Variants in ADIPOR1 observed in about 807,000 individuals in gnomAD.
ADIPOR1 encodes adiponectin receptor 1.
Under a neutral mutation model 37.5 loss-of-function variants are expected in ADIPOR1, and 15 were observed. The ratio of observed to expected loss-of-function variants is 0.40; its 90% CI spans 0.27 to 0.62. The LOEUF (loss-of-function observed/expected upper bound fraction) is 0.62. Among genes scored for constraint, ADIPOR1 ranks in the 20% least tolerant of loss-of-function variants. ADIPOR1 has a pLI of 0.42. For synonymous variants in ADIPOR1, 173 were observed against 173.2 expected (o/e 1.00, Z 0.01); for missense variants, 286 against 478.0 (o/e 0.60, Z 3.75).
intron 2 of ADIPOR1, among the ~76,000 whole-genome samples, chr1:202,949,162 C>T (rs1654454681): frequency 6.6e-6 from 1 of 152,062 alleles, no homozygotes; most frequent in South Asian, 2.1e-4. Flanking sequence ...TCAGAGTTCC[C>T]TGTTCACTGA....
Position 202,946,584 on chromosome 1 carries a change from G to T in ADIPOR1, c.285C>A (p.Ile95=). The T allele has an allele frequency of 6.2e-7, 1 of 1,614,026 alleles. No homozygotes were observed. The highest frequency in any genetic ancestry group is 8.5e-7 in the Non-Finnish European group (1 of 1,180,020). The part of the protein sequence containing the change: ...YKVWEGRWRV[I]PYDVLPDWLK... The stretch of plus-strand genomic sequence containing the variant: ...GCCAGTCAGGGAGCACATCATATGG[G>T]ATGACCCTCCAACGTCCCTCCCAGA... The change falls in exon 4 of 8, where the codon ATC becomes ATA. Residue 95 remains isoleucine, a synonymous_variant. Transcript: ENST00000340990.
At chr1:202,958,529 G>C (rs919412305), upstream of ADIPOR1, 1 of 152,516 alleles carries the variant, frequency 6.6e-6, no homozygotes, top group Non-Finnish European at 1.5e-5. Context: ...GACGTTCGTC[G>C]GATTCTACAC....
At chr1:202,952,215 T>A (rs1385278756) in intron 1 of ADIPOR1, among the ~76,000 whole-genome samples, 1 of 152,186 alleles carries the variant, frequency 6.6e-6, no homozygotes, top group Non-Finnish European at 1.5e-5. Flanking sequence ...GTTATAGCAA[T>A]AGCAGTAGCC....
Position 202,942,025 on chromosome 1 carries a change from C to G in ADIPOR1, c.999G>C (p.Trp333Cys), listed in dbSNP as rs1654109863. 6.2e-7 allele frequency: 1 copy of G among 1,610,036 alleles called. No homozygotes were observed. The highest frequency in any genetic ancestry group is 1.3e-5 in the African/African-American group (1 of 74,760). The change falls in exon 7 of 8, where the codon TGG becomes TGC. Residue 333 changes from tryptophan (W) to cysteine (C), a missense_variant and splice_region_variant. Coordinates refer to ENST00000340990, the MANE Select transcript of ADIPOR1 (RefSeq NM_015999.6). ...ERFFPGKFDI[W>C]FQSHQIFHVL... Reference sequence around the variant, plus strand: ...ACCTGCTGGAAGATTCATTTCTTACCCATATGTCAAATTTTCCAGGAAAGA... The same window carrying G: ...ACCTGCTGGAAGATTCATTTCTTACGCATATGTCAAATTTTCCAGGAAAGA...
At position 202,949,329 on chromosome 1, in the gene ADIPOR1, C is replaced by A. The variant is rs1056559268; in HGVS notation, c.142-909G>T. Among the ~76,000 whole-genome samples the A allele has an allele frequency of 7.3e-5, 11 of 151,514 alleles. 1 individual carries two copies. Among genetic ancestry groups the A allele is most frequent in the Admixed American group, 6.6e-4 (10 of 15,240 alleles). On this transcript the variant is annotated intron_variant, in intron 2 of 7. Transcript: ENST00000340990. ...GGCGCGGTGGCTCACGCCTGTAATC[C>A]CAGCACTTTGGGAGGCCGAGGCGGG... is the stretch of plus-strand genomic sequence containing the variant.
chr1:202,949,010 C>G (rs1654448156), intron 2 of ADIPOR1, among the ~76,000 whole-genome samples: 1 of 151,722 alleles, frequency 6.6e-6, no homozygotes, highest in African/African-American at 2.4e-5. Context: ...AGGCTGTTCT[C>G]AATCTCCTGA....
At position 202,951,164 on chromosome 1, in the gene ADIPOR1, A is replaced by C; in HGVS notation, c.-94T>G. On this transcript the variant is annotated splice_region_variant and 5_prime_UTR_variant, in exon 2 of 8. Transcript: ENST00000340990. The stretch of plus-strand genomic sequence containing the variant: ...CAGAGATCTCCCTCTGATGGTAGAC[A>C]CTAAAAGAAAATACAAACATGAAGG... 1.4e-6 allele frequency: 2 copies of C among 1,441,774 alleles called. No homozygotes were observed. Among genetic ancestry groups the C allele is most frequent in the Non-Finnish European group, 1.9e-6 (2 of 1,046,748 alleles). The allele number at this position is 1,441,774 out of a possible 1,614,324, so 89.3% of individuals were successfully genotyped here. A position where few individuals can be genotyped will look rare whatever the true frequency, so the allele number is the denominator to read the frequency against.
At chr1:202,949,669 T>C (rs1654489187) in intron 2 of ADIPOR1, among the ~76,000 whole-genome samples, 1 of 151,672 alleles carries the variant, frequency 6.6e-6, no homozygotes, top group African/African-American at 2.4e-5. Context: ...CTCCGAATCA[T>C]GGCTATAGAA....
rs1367210016 is a variant in ADIPOR1 at position 202,942,415 on chromosome 1, G to GT, written c.806-198dup. ...TATGTCCTGAATGGGAAGAAGCTGT[G>GT]TAAGTGCTTACTACCTTTTAAGCAC... On this transcript the variant is annotated intron_variant, in intron 6 of 7. Coordinates refer to ENST00000340990, the MANE Select transcript of ADIPOR1 (RefSeq NM_015999.6). 2.0e-5 allele frequency among the ~76,000 whole-genome samples: 3 copies of GT among 152,212 alleles called. No homozygotes were observed. In the East Asian group the frequency reaches 5.8e-4, roughly 29 times the overall value.
At chr1:202,943,995 T>A (rs1300562333) in intron 5 of ADIPOR1, 50 bp from the exon 6 acceptor site, 21 of 1,512,582 alleles carry the variant, frequency 1.4e-5, no homozygotes, top group Non-Finnish European at 1.8e-5. Flanking sequence ...AATGAATTTG[T>A]ATGGCTCATT....
At chr1:202,943,622 G>A in intron 6 of ADIPOR1, 136 bp downstream of exon 6, 1 of 967,414 alleles carries the variant, frequency 1.0e-6, no homozygotes, top group Non-Finnish European at 1.5e-6. Flanking sequence ...AATTGATGCT[G>A]TTTTGAAAGT....
Position 202,951,080 on chromosome 1 carries a change from A to G in ADIPOR1, c.-10T>C. 1 of 1,613,978 alleles carries G rather than the reference A, an allele frequency of 6.2e-7. No individual in the cohort carries two copies. Among genetic ancestry groups the G allele is most frequent in the Non-Finnish European group, 8.5e-7 (1 of 1,179,922 alleles). On this transcript the variant is annotated 5_prime_UTR_variant, in exon 2 of 8. Transcript: ENST00000340990. ...CTTTGTGGGAAGACATCTGGCTGGT[A>G]CCTCAATACCCTGCAGCTTCAGCTT...
chr1:202,957,953 G>A (rs1207264300), intron 1 of ADIPOR1, among the ~76,000 whole-genome samples: 1 of 152,202 alleles, frequency 6.6e-6, no homozygotes, highest in African/African-American at 2.4e-5. Flanking sequence ...AGCGCCCACC[G>A]CACCTAGGCC....
chr1:202,949,926 G>T (rs1288444370), intron 2 of ADIPOR1, among the ~76,000 whole-genome samples: 1 of 152,072 alleles, frequency 6.6e-6, no homozygotes, highest in African/African-American at 2.4e-5. Flanking sequence ...GTAAGTTCTG[G>T]CCGAAGTCTT....
intron 6 of ADIPOR1, among the ~76,000 whole-genome samples, chr1:202,943,165 G>A (rs1354559198): frequency 6.6e-6 from 1 of 152,228 alleles, no homozygotes; most frequent in African/African-American, 2.4e-5. Flanking sequence ...ACTGCTCCCG[G>A]ACAATATTTA....
intron 2 of ADIPOR1, among the ~76,000 whole-genome samples, chr1:202,948,776 C>A (rs1017539818): frequency 1.4e-5 from 2 of 145,624 alleles, no homozygotes; most frequent in East Asian, 4.0e-4. Flanking sequence ...CTTTTCTAAG[C>A]CATTACATTT....
chr1:202,942,163 G>C lies in ADIPOR1; in HGVS notation c.861C>G (p.Ile287Met). 2 of 1,614,160 alleles carry C rather than the reference G, an allele frequency of 1.2e-6. No homozygotes were observed. Among genetic ancestry groups the C allele is most frequent in the Non-Finnish European group, 1.7e-6 (2 of 1,180,026 alleles). The change falls in exon 7 of 8, where the codon ATC becomes ATG. Residue 287 changes from isoleucine to methionine, a missense_variant. Transcript: ENST00000340990. Reference protein sequence around the residue: ...SGVVPTMHFTIAEGFVKATTV... With the variant: ...SGVVPTMHFTMAEGFVKATTV... ...TGGTGGCCTTGACAAAGCCCTCAGCGATAGTAAAGTGCATGGTGGGCACGA... is the reference window on the plus strand; with the variant it reads ...TGGTGGCCTTGACAAAGCCCTCAGCCATAGTAAAGTGCATGGTGGGCACGA...
intron 6 of ADIPOR1, 34 bp from the exon 7 acceptor site, chr1:202,942,252 G>T (rs111719484): frequency 6.4e-7 from 1 of 1,557,044 alleles, no homozygotes; most frequent in East Asian, 2.3e-5. Context: ...GTCAAACAAG[G>T]AAACAGCCAC....
chr1:202,947,307 A>G (rs984740237), intron 3 of ADIPOR1, among the ~76,000 whole-genome samples: 1 of 152,060 alleles, frequency 6.6e-6, no homozygotes, highest in Non-Finnish European at 1.5e-5. Flanking sequence ...GGATCACCTG[A>G]GGTTGGGAGT....
Sources: gnomAD v4.1 joint callset for allele counts (sites outside exome capture counted in the v4.1 genomes callset) on GRCh38, gnomAD v4.1.1 for gene constraint, MANE v1.5 for transcripts, NCBI Gene and HGNC (gene_info 2026-07-23, HGNC 2026-07-21) for gene names.